Variants in CREB5 observed in about 807,000 individuals in gnomAD.
CREB5 encodes the protein cAMP responsive element binding protein 5.
CREB5 carries 19 observed loss-of-function variants against 57.1 expected under a neutral mutation model. The ratio of observed to expected loss-of-function variants is 0.33; its 90% CI spans 0.23 to 0.49. CREB5 has a LOEUF of 0.49. Among genes scored for constraint, CREB5 ranks in the 20% least tolerant of loss-of-function variants. CREB5 has a pLI of 0.99. For synonymous variants in CREB5, 238 were observed against 238.3 expected (o/e 1.00, Z 0.01); for missense variants, 579 against 671.6 (o/e 0.86, Z 1.52).
intron 1 of CREB5, among the ~76,000 whole-genome samples, chr7:28,376,653 CA>C (rs1412138791): frequency 1.3e-5 from 2 of 152,152 alleles, no homozygotes; most frequent in African/African-American, 4.8e-5. Flanking sequence ...ATGAGTGAAG[CA>C]GTTAAGTGCG....
At chr7:28,532,593 C>CTTTG (rs542462574) in intron 4 of CREB5, among the ~76,000 whole-genome samples, 3 of 152,072 alleles carry the variant, frequency 2.0e-5, no homozygotes, top group Admixed American at 6.6e-5. Flanking sequence ...GGAAGGTTTT[C>CTTTG]TTTGTTTGTT....
chr7:28,685,196 T>C (rs775370625), intron 5 of CREB5, among the ~76,000 whole-genome samples: 12 of 152,210 alleles, frequency 7.9e-5, no homozygotes, highest in Non-Finnish European at 1.8e-4. Context: ...AAGGGAGAAC[T>C]TGTCTTCCTT....
chr7:28,435,029 T>C (rs1788890931), intron 1 of CREB5, among the ~76,000 whole-genome samples: 1 of 152,100 alleles, frequency 6.6e-6, no homozygotes, highest in African/African-American at 2.4e-5. Flanking sequence ...GACTATGTGT[T>C]GTAATTCCTC....
In CREB5 at chr7:28,514,412, T is replaced by C. The variant is rs914783054; in HGVS notation, c.291+6675T>C. 2.6e-5 allele frequency among the ~76,000 whole-genome samples: 4 copies of C among 152,214 alleles called. No homozygotes were observed. In the South Asian group the frequency reaches 8.3e-4, roughly 32 times the overall value. ...TTTGTTTTATTTATTTTTTATTTTT[T>C]GGAGATAGAGTCTTACTCTGTGGCC... is the stretch of plus-strand genomic sequence containing the variant. On this transcript the variant is annotated intron_variant, in intron 4 of 10. Transcript: ENST00000357727.
chr7:28,491,594 T>A (rs866258714), intron 2 of CREB5, among the ~76,000 whole-genome samples: 18 of 152,234 alleles, frequency 1.2e-4, no homozygotes, highest in Admixed American at 9.2e-4. Flanking sequence ...GATTTAAATG[T>A]AAAGATGCTT....
In CREB5 at chr7:28,430,524, A is replaced by T. The variant is rs571932338; in HGVS notation, c.3+17607A>T. 2.0e-5 allele frequency among the ~76,000 whole-genome samples: 3 copies of T among 152,290 alleles called. No individual in the cohort carries two copies. The South Asian group carries it at 6.2e-4, about 32-fold the overall frequency. On this transcript the variant is annotated intron_variant, in intron 1 of 10. Coordinates refer to ENST00000357727, the MANE Select transcript of CREB5 (RefSeq NM_182898.4). ...ATTTTAAAATGCTATGCAAATTATG[A>T]GCGGCCGTTATGATTGATGTAGCAA...
rs914561489 is a variant in CREB5, at chr7:28,772,062, G to A, written c.703-32137G>A. Among the ~76,000 whole-genome samples the A allele has an allele frequency of 1.4e-4, 22 of 152,182 alleles. No individual in the cohort carries two copies. In the South Asian group the frequency reaches 1.9e-3, roughly 13 times the overall value. ...TTCTCTAAAACACTCCCACTTTCTC[G>A]GGCCACCACCTACCTTGGCTGCCCA... is the stretch of plus-strand genomic sequence containing the variant. On this transcript the variant is annotated intron_variant, in intron 7 of 10. Coordinates refer to ENST00000357727, the MANE Select transcript of CREB5 (RefSeq NM_182898.4).
chr7:28,332,143 G>A (rs1182348065), intron 1 of CREB5, among the ~76,000 whole-genome samples: 1 of 152,208 alleles, frequency 6.6e-6, no homozygotes, highest in East Asian at 1.9e-4. Context: ...TGGAGGCAGA[G>A]ATTGGAGTGA....
chr7:28,459,976 T>C (rs1268873980), intron 1 of CREB5, among the ~76,000 whole-genome samples: 2 of 152,208 alleles, frequency 1.3e-5, no homozygotes, highest in Admixed American at 6.5e-5. Flanking sequence ...AGGCGAATGA[T>C]TTTCCTACAG....
chr7:28,523,517 G>A (rs947507968), intron 4 of CREB5, among the ~76,000 whole-genome samples: 5 of 152,174 alleles, frequency 3.3e-5, no homozygotes, highest in East Asian at 1.9e-4. Flanking sequence ...TTCTGGGATC[G>A]TGTGTACAGT....
intron 5 of CREB5, among the ~76,000 whole-genome samples, chr7:28,688,170 G>A (rs766778537): frequency 2.0e-5 from 3 of 152,068 alleles, no homozygotes; most frequent in Non-Finnish European, 2.9e-5. Context: ...TTTACTTCTT[G>A]CTTTTTGGCA....
At chr7:28,670,614 G>A (rs964460146) in intron 5 of CREB5, among the ~76,000 whole-genome samples, 16 of 152,108 alleles carry the variant, frequency 1.1e-4, no homozygotes, top group African/African-American at 3.6e-4. Flanking sequence ...CGGCATAAGG[G>A]GATATGTAGC....
At chr7:28,721,362 A>G (rs1803023347) in intron 6 of CREB5, among the ~76,000 whole-genome samples, 1 of 152,206 alleles carries the variant, frequency 6.6e-6, no homozygotes, top group African/African-American at 2.4e-5. Context: ...ACTAATAAAC[A>G]TTAACTTAAG....
intron 5 of CREB5, among the ~76,000 whole-genome samples, chr7:28,687,840 T>TG (rs1801028561): frequency 6.6e-6 from 1 of 152,090 alleles, no homozygotes; most frequent in South Asian, 2.1e-4. Flanking sequence ...TGAGGAGGCC[T>TG]GAGTGTTGAT....
At chr7:28,503,609 C>A (rs1176654112) in intron 3 of CREB5, among the ~76,000 whole-genome samples, 1 of 152,070 alleles carries the variant, frequency 6.6e-6, no homozygotes, top group Non-Finnish European at 1.5e-5. Context: ...CTCCTGAACT[C>A]TGAGATGAGG....
chr7:28,436,297 C>T (rs1788959838), intron 1 of CREB5, among the ~76,000 whole-genome samples: 1 of 152,092 alleles, frequency 6.6e-6, no homozygotes, highest in Non-Finnish European at 1.5e-5. Context: ...CTTATGTTTT[C>T]CAATGTTTCT....
intron 8 of CREB5, 76 bp from the exon 9 acceptor site, chr7:28,809,111 A>C (rs533312544): frequency 7.3e-7 from 1 of 1,361,776 alleles, no homozygotes; most frequent in African/African-American, 1.5e-5. Context: ...GCTTTTTAAC[A>C]TCAGCTTGGG....
intron 1 of CREB5, among the ~76,000 whole-genome samples, chr7:28,454,410 C>A (rs1397209947): frequency 1.3e-5 from 2 of 152,152 alleles, no homozygotes; most frequent in African/African-American, 4.8e-5. Context: ...TCCAGAGGCA[C>A]CTGTGAGGAT....
chr7:28,345,621 A>G (rs1786043185), intron 1 of CREB5, among the ~76,000 whole-genome samples: 1 of 152,120 alleles, frequency 6.6e-6, no homozygotes, highest in Non-Finnish European at 1.5e-5. Context: ...CCAGTGGCTG[A>G]ACTAGACACA....
Sources: gnomAD v4.1 joint callset for allele counts (sites outside exome capture counted in the v4.1 genomes callset) on GRCh38, gnomAD v4.1.1 for gene constraint, MANE v1.5 for transcripts, NCBI Gene and HGNC (gene_info 2026-07-23, HGNC 2026-07-21) for gene names.